Variants in CBFA2T3 observed in about 807,000 individuals in gnomAD.
The protein encoded by CBFA2T3 is transcriptional corepressor CBFA2T3.
Under a neutral mutation model 58.6 loss-of-function variants are expected in CBFA2T3, and 31 were observed. The ratio of observed to expected loss-of-function variants is 0.53; its 90% CI spans 0.40 to 0.71. CBFA2T3 has a LOEUF of 0.71. CBFA2T3 is among the 30% of genes least tolerant of loss of function. The pLI, the probability that CBFA2T3 is intolerant of heterozygous loss-of-function variation, is 0.00. For missense variants in CBFA2T3, 1,076 were observed against 963.1 expected (o/e 1.12, Z -1.55); for synonymous variants, 531 against 421.9 (o/e 1.26, Z -3.17).
At chr16:88,966,173 AC>A (rs1477538903) in intron 1 of CBFA2T3, among the ~76,000 whole-genome samples, 1 of 152,184 alleles carries the variant, frequency 6.6e-6, no homozygotes, top group African/African-American at 2.4e-5. Flanking sequence ...CACTCTGCTC[AC>A]TGGCCTGCAC....
chr16:88,917,143 T>A (rs13330361), intron 1 of CBFA2T3, among the ~76,000 whole-genome samples: 27,526 of 151,746 alleles, frequency 0.18, 3,166 homozygotes, highest in Non-Finnish European at 0.25. Flanking sequence ...TCTGAGATCA[T>A]CGGCTGTCGG....
At chr16:88,976,341 G>A (rs552165655) in intron 1 of CBFA2T3, among the ~76,000 whole-genome samples, 9 of 152,158 alleles carry the variant, frequency 5.9e-5, no homozygotes, top group Non-Finnish European at 8.8e-5. Flanking sequence ...TCCCGGCTGC[G>A]GCCCTCCCAC....
chr16:88,892,519 G>A (rs1969683090), intron 3 of CBFA2T3, 34 bp from the exon 4 acceptor site: 1 of 1,607,864 alleles, frequency 6.2e-7, no homozygotes. Context: ...GGACACAAAG[G>A]TGATGGTGAC....
At chr16:88,882,479 G>C (rs901964785) in intron 8 of CBFA2T3, among the ~76,000 whole-genome samples, 197 bp downstream of exon 8, 1 of 149,920 alleles carries the variant, frequency 6.7e-6, no homozygotes, top group Non-Finnish European at 1.5e-5. Context: ...GGGGGTGGCT[G>C]TGTGTGACTG....
chr16:88,926,218 A>C (rs1482265687), intron 1 of CBFA2T3, among the ~76,000 whole-genome samples: 1 of 151,782 alleles, frequency 6.6e-6, no homozygotes, highest in Non-Finnish European at 1.5e-5. Flanking sequence ...TGCCGCCTCC[A>C]AGAGCCTAAC....
At position 88,876,603 on chromosome 16, in the gene CBFA2T3, A is replaced by G; in HGVS notation, c.*373T>C. The stretch of plus-strand genomic sequence containing the variant: ...TGATAGTCATAGAGAGAGAGAGGAT[A>G]GAGAAGACAGAGGGGGAGAGACAGA... On this transcript the variant is annotated 3_prime_UTR_variant, in exon 12 of 12. Transcript: ENST00000268679. 1 of 280,958 alleles carries G rather than the reference A, an allele frequency of 3.6e-6. No homozygotes were observed. The highest frequency in any genetic ancestry group is 6.6e-6 in the Non-Finnish European group (1 of 150,910). The allele number at this position is 280,958 out of a possible 1,614,324, so 17.4% of individuals were successfully genotyped here.
chr16:88,925,373 C>G (rs1971053964), intron 1 of CBFA2T3, among the ~76,000 whole-genome samples: 1 of 152,208 alleles, frequency 6.6e-6, no homozygotes, highest in Non-Finnish European at 1.5e-5. Flanking sequence ...ACCAGGCGCT[C>G]TCATGCAGCC....
At chr16:88,896,290 G>A (rs550490327) in intron 3 of CBFA2T3, among the ~76,000 whole-genome samples, 13 of 152,286 alleles carry the variant, frequency 8.5e-5, no homozygotes, top group East Asian at 3.9e-4. Flanking sequence ...TGTTCTGAGC[G>A]GCTGCTCCCC....
At chr16:88,924,229 C>T (rs963789123) in intron 1 of CBFA2T3, among the ~76,000 whole-genome samples, 7 of 152,144 alleles carry the variant, frequency 4.6e-5, no homozygotes, top group South Asian at 2.1e-4. Flanking sequence ...GAAGATCTGC[C>T]CTCTCTGGGC....
chr16:88,956,271 C>G lies in CBFA2T3; in HGVS notation c.151+20386G>C, dbSNP rs565160420. 2.6e-5 allele frequency among the ~76,000 whole-genome samples: 4 copies of G among 152,402 alleles called. No individual in the cohort carries two copies. In the South Asian group the frequency reaches 8.3e-4, roughly 32 times the overall value. On this transcript the variant is annotated intron_variant, in intron 1 of 11. Transcript: ENST00000268679. Reference sequence around the variant, plus strand: ...TCACGCGTGTGACGGAGGGCGAAGACCTGCATCACGGGAGAACCCCACGCA... The same window carrying G: ...TCACGCGTGTGACGGAGGGCGAAGAGCTGCATCACGGGAGAACCCCACGCA...
intron 1 of CBFA2T3, among the ~76,000 whole-genome samples, chr16:88,916,477 T>C (rs2142722542): frequency 6.6e-6 from 1 of 152,288 alleles, no homozygotes; most frequent in South Asian, 2.1e-4. Context: ...TGTGCGTGTG[T>C]ATTCCTGTGT....
At chr16:88,921,766 C>T (rs994745870) in intron 1 of CBFA2T3, among the ~76,000 whole-genome samples, 1 of 152,254 alleles carries the variant, frequency 6.6e-6, no homozygotes, top group Non-Finnish European at 1.5e-5. Flanking sequence ...GGGGGACTTG[C>T]GGCTGCAGCT....
chr16:88,966,649 A>C (rs1972511705), intron 1 of CBFA2T3, among the ~76,000 whole-genome samples: 1 of 151,672 alleles, frequency 6.6e-6, no homozygotes, highest in South Asian at 2.1e-4. Flanking sequence ...GAATTCCTCC[A>C]GGAGCAATGG....
At chr16:88,913,001 C>T (rs1970578547) in intron 1 of CBFA2T3, among the ~76,000 whole-genome samples, 2 of 152,258 alleles carry the variant, frequency 1.3e-5, no homozygotes, top group South Asian at 4.1e-4. Context: ...GCGTTTCCTG[C>T]TAATGGCCTC....
rs115498829 is a variant in CBFA2T3, at chr16:88,898,219, C to A, written c.305-67G>T. ...GGGCAGGAGACTCTGCCCTCAGGGG[C>A]GCCCGCGGCCACCTTTTCCTACTTC... On this transcript the variant is annotated intron_variant, in intron 2 of 11. Coordinates refer to ENST00000268679, the MANE Select transcript of CBFA2T3 (RefSeq NM_005187.6). The A allele has an allele frequency of 6.5e-6, 8 of 1,230,434 alleles. No individual in the cohort carries two copies. The South Asian group carries it at 8.4e-5, about 13-fold the overall frequency. The allele number at this position is 1,230,434 out of a possible 1,614,324, so 76.2% of individuals were successfully genotyped here. A position where few individuals can be genotyped will look rare whatever the true frequency, so the allele number is the denominator to read the frequency against.
At position 88,958,449 on chromosome 16, in the gene CBFA2T3, G is replaced by GA. The variant is rs1972285531; in HGVS notation, c.151+18207dup. ...AGTAATGCCAGGCGGGGCGGCGGGG[G>GA]AAGAAGGTTCTGGGGCGGGGCGTTA... On this transcript the variant is annotated intron_variant, in intron 1 of 11. Coordinates refer to ENST00000268679, the MANE Select transcript of CBFA2T3 (RefSeq NM_005187.6). This position sits in a 1 kb window ranked among gnomAD's most constrained non-coding sequence, Gnocchi z 4.0. Among the ~76,000 whole-genome samples, 1 of 151,380 alleles carries GA rather than the reference G, an allele frequency of 6.6e-6. No homozygotes were observed. Among genetic ancestry groups the GA allele is most frequent in the African/African-American group, 2.4e-5 (1 of 41,138 alleles).
At chr16:88,920,150 G>A (rs1019384507) in intron 1 of CBFA2T3, among the ~76,000 whole-genome samples, 12 of 152,378 alleles carry the variant, frequency 7.9e-5, no homozygotes, top group Non-Finnish European at 1.5e-4. Context: ...GGACTCGCAA[G>A]TCAGCTGACC....
intron 1 of CBFA2T3, among the ~76,000 whole-genome samples, chr16:88,924,377 A>C (rs1029848660): frequency 6.6e-6 from 1 of 152,078 alleles, no homozygotes; most frequent in Non-Finnish European, 1.5e-5. Context: ...GACCACAAGG[A>C]GGCTAGACTC....
intron 1 of CBFA2T3, among the ~76,000 whole-genome samples, chr16:88,945,339 C>T (rs973508269): frequency 3.9e-5 from 6 of 152,154 alleles, no homozygotes; most frequent in Non-Finnish European, 8.8e-5. Context: ...TTTCATACTT[C>T]GGCTCTGCAA....
Sources: gnomAD v4.1 joint callset for allele counts (sites outside exome capture counted in the v4.1 genomes callset) on GRCh38, gnomAD v4.1.1 for gene constraint, Gnocchi (gnomAD v3.1) non-coding constraint, MANE v1.5 for transcripts, NCBI Gene and HGNC (gene_info 2026-07-23, HGNC 2026-07-21) for gene names.